Variants in PRDM10 observed in about 807,000 individuals in gnomAD.
PRDM10 encodes the protein PR domain zinc finger protein 10.
PRDM10 carries 65 observed loss-of-function variants against 133.1 expected under a neutral mutation model. The ratio of observed to expected loss-of-function variants is 0.49; its 90% CI spans 0.40 to 0.60. The LOEUF (loss-of-function observed/expected upper bound fraction) is 0.60. Among genes scored for constraint, PRDM10 ranks in the 20% least tolerant of loss-of-function variants. The pLI, the probability that PRDM10 is intolerant of heterozygous loss-of-function variation, is 0.00. For missense variants in PRDM10, 1,137 were observed against 1,507.1 expected, an observed-to-expected ratio of 0.75 and a Z score of 4.07; for synonymous variants, 582 against 580.4, an observed-to-expected ratio of 1.00 and a Z score of -0.04.
chr11:129,921,298 A>T (rs377295278), intron 13 of PRDM10, among the ~76,000 whole-genome samples: 4 of 152,214 alleles, frequency 2.6e-5, no homozygotes, highest in African/African-American at 7.2e-5. Flanking sequence ...GAAATGCCCC[A>T]TATGAAGTGA....
Position 129,918,632 on chromosome 11 carries a change from C to G in PRDM10, c.2121G>C (p.Lys707Asn). The G allele has an allele frequency of 1.2e-6, 2 of 1,614,212 alleles. No individual in the cohort carries two copies. Among genetic ancestry groups the G allele is most frequent in the Non-Finnish European group, 1.7e-6 (2 of 1,180,030 alleles). Residue 707 changes from lysine (K) to asparagine (N), a missense_variant, in exon 14 of 21, where the codon AAG becomes AAC. Transcript: ENST00000360871. The surrounding 1 kb of genome is among the most constrained non-coding windows in gnomAD (Gnocchi z 5.3). ...TGGACGTGATGCGGGGCTTGAACGT[C>G]TTGGAGCGGCTGATGCGGTCGGCTT... ...AKKADRISRS[K>N]TFKPRITSTD... is the part of the protein sequence containing the mutation.
At chr11:129,952,537 T>C (rs1951605670) in intron 4 of PRDM10, among the ~76,000 whole-genome samples, 1 of 152,070 alleles carries the variant, frequency 6.6e-6, no homozygotes. Context: ...ATCAACATCT[T>C]TTCTTTTAAG....
chr11:129,958,060 C>T, intron 2 of PRDM10, 150 bp from the exon 3 acceptor site: 1 of 891,190 alleles, frequency 1.1e-6, no homozygotes, highest in Non-Finnish European at 1.7e-6. Context: ...GGGGAGGATG[C>T]AAGGACCTTG....
intron 13 of PRDM10, among the ~76,000 whole-genome samples, chr11:129,922,827 T>G (rs1451786497): frequency 6.6e-6 from 1 of 152,248 alleles, no homozygotes; most frequent in Non-Finnish European, 1.5e-5. Flanking sequence ...CTCAGCATTC[T>G]TCAGATTTCC....
intron 1 of PRDM10, among the ~76,000 whole-genome samples, chr11:129,966,051 C>G (rs951533414): frequency 3.9e-5 from 6 of 152,062 alleles, no homozygotes; most frequent in Non-Finnish European, 5.9e-5. Context: ...CGAGACCAGC[C>G]TGGGCAACAT....
Position 129,902,268 on chromosome 11 carries a change from G to T in PRDM10, c.*45C>A. On this transcript the variant is annotated 3_prime_UTR_variant, in exon 21 of 21. Coordinates refer to ENST00000360871, the MANE Select transcript of PRDM10 (RefSeq NM_199437.2). Reference sequence around the variant, plus strand: ...CGTGTCAGAGCTTTCAGACTTATGAGAACAGACATGAGGTGGGTGCTGGAT... The same window carrying T: ...CGTGTCAGAGCTTTCAGACTTATGATAACAGACATGAGGTGGGTGCTGGAT... 6.3e-7 allele frequency: 1 copy of T among 1,594,998 alleles called. No homozygotes were observed. The highest frequency in any genetic ancestry group is 1.1e-5 in the South Asian group (1 of 89,524).
intron 1 of PRDM10, among the ~76,000 whole-genome samples, chr11:129,993,279 C>T (rs1455635842): frequency 2.0e-5 from 3 of 152,258 alleles, no homozygotes; most frequent in Non-Finnish European, 4.4e-5. Context: ...TCTATTAGTG[C>T]CTGTAGCATC....
chr11:129,930,123 G>A (rs906818516), intron 11 of PRDM10, among the ~76,000 whole-genome samples: 3 of 152,178 alleles, frequency 2.0e-5, no homozygotes, highest in African/African-American at 7.2e-5. Flanking sequence ...GTCCCTTCTA[G>A]CCTAGAGGCA....
rs1950571395 is a variant in PRDM10, at chr11:129,923,408, T to C, written c.1879-5A>G. 2 of 1,604,248 alleles carry C rather than the reference T, an allele frequency of 1.2e-6. No homozygotes were observed. The highest frequency in any genetic ancestry group is 8.5e-7 in the Non-Finnish European group (1 of 1,175,482). ...GCTGCGCACGTGTTTTTTCACCTGG[T>C]GATAAGAACCACAGGAAAATTCAGG... On this transcript the variant is annotated splice_region_variant and splice_polypyrimidine_tract_variant and intron_variant, in intron 12 of 20. Coordinates refer to ENST00000360871, the MANE Select transcript of PRDM10 (RefSeq NM_199437.2). The surrounding 1 kb of genome is among the most constrained non-coding windows in gnomAD (Gnocchi z 4.4).
chr11:129,963,835 A>G (rs59911969), intron 1 of PRDM10, among the ~76,000 whole-genome samples: 1 of 152,142 alleles, frequency 6.6e-6, no homozygotes, highest in Middle Eastern at 3.2e-3. Flanking sequence ...AACTCTAATG[A>G]ATGTCCTTTA....
chr11:129,900,496 A>G lies in PRDM10; in HGVS notation c.*1817T>C, dbSNP rs547507637. The G allele has an allele frequency of 1.0e-4, 16 of 152,798 alleles. No individual in the cohort carries two copies. Among genetic ancestry groups the G allele is most frequent in the African/African-American group, 3.6e-4 (15 of 41,588 alleles). The allele number at this position is 152,798 out of a possible 1,614,324, so 9.5% of individuals were successfully genotyped here. ...TTCAGTGATTCTTTTCAGTTTTCCA[A>G]TAAGTTATTCCTGAAGGGAGGGGAG... On this transcript the variant is annotated 3_prime_UTR_variant, in exon 21 of 21. Coordinates refer to ENST00000360871, the MANE Select transcript of PRDM10 (RefSeq NM_199437.2).
At chr11:129,975,043 A>G (rs1391912393) in intron 1 of PRDM10, among the ~76,000 whole-genome samples, 3 of 152,300 alleles carry the variant, frequency 2.0e-5, no homozygotes, top group East Asian at 3.9e-4. Flanking sequence ...TTATTGTTCA[A>G]TGGGGATGGA....
At chr11:129,979,158 C>T (rs991499908) in intron 1 of PRDM10, among the ~76,000 whole-genome samples, 1 of 152,138 alleles carries the variant, frequency 6.6e-6, no homozygotes, top group Non-Finnish European at 1.5e-5. Flanking sequence ...GGTAATTTCA[C>T]AAAGAAATCT....
rs190053284 is a variant in PRDM10 at position 129,947,825 on chromosome 11, T to A, written c.295-455A>T. On this transcript the variant is annotated intron_variant, in intron 4 of 20. Coordinates refer to ENST00000360871, the MANE Select transcript of PRDM10 (RefSeq NM_199437.2). The surrounding 1 kb of genome is among the most constrained non-coding windows in gnomAD (Gnocchi z 4.6). ...ATAGGTAAGCAACAGACCGTTTCGA[T>A]GTGTGCACATGTGAGGTATCATCAG... 6.6e-6 allele frequency among the ~76,000 whole-genome samples: 1 copy of A among 152,300 alleles called. No individual in the cohort carries two copies. Among genetic ancestry groups the A allele is most frequent in the South Asian group, 2.1e-4 (1 of 4,828 alleles).
chr11:129,906,629 G>A (rs890745467), intron 19 of PRDM10, among the ~76,000 whole-genome samples: 2 of 152,342 alleles, frequency 1.3e-5, no homozygotes, highest in African/African-American at 4.8e-5. Flanking sequence ...TAACTTGGTA[G>A]TGAAGGTAAA....
At chr11:129,960,719 G>A (rs1020786824) in intron 2 of PRDM10, among the ~76,000 whole-genome samples, 177 bp downstream of exon 2, 1 of 152,140 alleles carries the variant, frequency 6.6e-6, no homozygotes, top group South Asian at 2.1e-4. Flanking sequence ...CTCACGGTGA[G>A]CCACATCGAT....
chr11:129,989,238 C>T (rs1034436021), intron 1 of PRDM10, among the ~76,000 whole-genome samples: 1 of 151,854 alleles, frequency 6.6e-6, no homozygotes, highest in South Asian at 2.1e-4. Context: ...CCCAGGAGTT[C>T]GAGGTTGCAG....
chr11:129,917,359 A>G (rs1950390551), intron 14 of PRDM10, 122 bp from the exon 15 acceptor site: 3 of 711,386 alleles, frequency 4.2e-6, no homozygotes, highest in African/African-American at 1.8e-5. Context: ...CCCCCAAATA[A>G]TAAGGCATTT....
chr11:129,922,266 GAAAAATCA>G (rs915308557), intron 13 of PRDM10, among the ~76,000 whole-genome samples: 4 of 152,088 alleles, frequency 2.6e-5, no homozygotes, highest in Non-Finnish European at 5.9e-5. Flanking sequence ...GGCACAAAAT[GAAAAATCA>G]AAAAACACTG....
Sources: allele counts gnomAD v4.1 joint callset (sites outside exome capture counted in the v4.1 genomes callset), GRCh38; gene constraint gnomAD v4.1.1; non-coding constraint Gnocchi (gnomAD v3.1); transcripts MANE v1.5; gene names NCBI Gene and HGNC (gene_info 2026-07-23, HGNC 2026-07-21).